RCL1: variants seen among roughly 807,000 people sequenced by gnomAD.
The protein encoded by RCL1 is RNA terminal phosphate cyclase like 1, also known as RNA 3'-terminal phosphate cyclase-like protein.
Under a neutral mutation model 42.4 loss-of-function variants are expected in RCL1, and 24 were observed. The ratio of observed to expected loss-of-function variants is 0.57; its 90% CI spans 0.41 to 0.80. The LOEUF is 0.80. Among genes scored for constraint, RCL1 ranks in the 30% least tolerant of loss-of-function variants. The pLI, the probability that RCL1 is intolerant of heterozygous loss-of-function variation, is 0.00. For synonymous variants in RCL1, 228 were observed against 177.3 expected (o/e 1.29, Z -2.27); for missense variants, 578 against 467.9 (o/e 1.24, Z -2.17).
chr9:4,797,641 G>A (rs1262428447), intron 1 of RCL1, among the ~76,000 whole-genome samples: 1 of 152,200 alleles, frequency 6.6e-6, no homozygotes, highest in Non-Finnish European at 1.5e-5. Flanking sequence ...CAAAATGTCA[G>A]TAGTGCTGAT....
chr9:4,810,272 G>A (rs1002074280), intron 1 of RCL1, among the ~76,000 whole-genome samples: 3 of 152,088 alleles, frequency 2.0e-5, no homozygotes, highest in Non-Finnish European at 2.9e-5. Flanking sequence ...TGGACATACC[G>A]ATGTAGCTAT....
In RCL1 at chr9:4,853,359, G is replaced by T. The variant is rs1466662721; in HGVS notation, c.971+3809G>T. 2.1e-5 allele frequency among the ~76,000 whole-genome samples: 3 copies of T among 142,674 alleles called. No homozygotes were observed. In the Admixed American group the frequency reaches 2.2e-4, roughly 10 times the overall value. The allele number at this position is 142,674 out of a possible 152,430, so 93.6% of individuals were successfully genotyped here. On this transcript the variant is annotated intron_variant, in intron 8 of 8. Coordinates refer to ENST00000381750, the MANE Select transcript of RCL1 (RefSeq NM_005772.5). ...TTTTTTTTGAGACGGAGTCTCCTCT[G>T]TCGCCCAGGCTGAGTGCAGTGGCGC...
chr9:4,814,880 G>A (rs1816316980), intron 1 of RCL1, among the ~76,000 whole-genome samples: 1 of 151,450 alleles, frequency 6.6e-6, no homozygotes, highest in African/African-American at 2.4e-5. Flanking sequence ...GCTTTTTTGG[G>A]TATAGTGTTT....
chr9:4,841,113 C>T (rs1587724311), intron 5 of RCL1, 119 bp from the exon 6 acceptor site: 1 of 1,069,058 alleles, frequency 9.4e-7, no homozygotes, highest in East Asian at 2.4e-5. Flanking sequence ...AGTTGGAAAA[C>T]AATAGATTTG....
At chr9:4,796,215 A>G (rs573138359) in intron 1 of RCL1, among the ~76,000 whole-genome samples, 2 of 152,198 alleles carry the variant, frequency 1.3e-5, no homozygotes, top group South Asian at 4.2e-4. Context: ...CCCAATAGGT[A>G]ATTTTTCAAT....
intron 3 of RCL1, among the ~76,000 whole-genome samples, chr9:4,832,447 A>G (rs954725122): frequency 2.6e-5 from 4 of 152,230 alleles, no homozygotes; most frequent in Admixed American, 2.6e-4. Flanking sequence ...TAAACATTAA[A>G]TAACCCTACT....
At chr9:4,814,552 C>A (rs998866017) in intron 1 of RCL1, among the ~76,000 whole-genome samples, 1 of 152,200 alleles carries the variant, frequency 6.6e-6, no homozygotes, top group Non-Finnish European at 1.5e-5. Flanking sequence ...TAGGCATGAG[C>A]CACAGTACTT....
intron 1 of RCL1, among the ~76,000 whole-genome samples, chr9:4,817,304 G>C (rs560818210): frequency 6.6e-6 from 1 of 151,554 alleles, no homozygotes; most frequent in African/African-American, 2.4e-5. Context: ...CAAATATATT[G>C]GTAACTAATG....
chr9:4,849,759 A>G (rs897234354), intron 8 of RCL1, among the ~76,000 whole-genome samples: 7 of 152,228 alleles, frequency 4.6e-5, no homozygotes, highest in Admixed American at 3.9e-4. Flanking sequence ...AATCCCAGGT[A>G]ACTGAAATTG....
intron 8 of RCL1, chr9:4,850,482 C>CTTT (rs112829690): frequency 2.4e-4 from 28 of 114,502 alleles, no homozygotes; most frequent in African/African-American, 6.3e-4. Context: ...CTTATGGAGG[C>CTTT]TTTTTTTTTT....
At chr9:4,852,134 G>A (rs1237811482) in intron 8 of RCL1, among the ~76,000 whole-genome samples, 1 of 152,170 alleles carries the variant, frequency 6.6e-6, no homozygotes, top group African/African-American at 2.4e-5. Context: ...ACCCGCCTTG[G>A]CCTCCCAAAG....
chr9:4,836,230 A>G (rs921948584), intron 5 of RCL1, among the ~76,000 whole-genome samples: 1 of 151,980 alleles, frequency 6.6e-6, no homozygotes, highest in African/African-American at 2.4e-5. Flanking sequence ...TAGAGGGAGG[A>G]GTAGAGAACG....
Position 4,800,843 on chromosome 9 carries a change from G to A in RCL1, c.136+7616G>A, listed in dbSNP as rs141223039. Among the ~76,000 whole-genome samples the A allele has an allele frequency of 6.3e-3, 960 of 151,850 alleles. 5 individuals carry two copies. Among genetic ancestry groups the A allele is most frequent in the African/African-American group, 0.019 (785 of 41,398 alleles). The stretch of plus-strand genomic sequence containing the variant: ...AATTTTTTATATTTTTGGTAGAGAC[G>A]GGGTTTCACTGTGTTGGCCAGGCTG... On this transcript the variant is annotated intron_variant, in intron 1 of 8. Coordinates refer to ENST00000381750, the MANE Select transcript of RCL1 (RefSeq NM_005772.5).
chr9:4,813,508 G>C (rs1472868727), intron 1 of RCL1, among the ~76,000 whole-genome samples: 1 of 152,224 alleles, frequency 6.6e-6, no homozygotes, highest in Non-Finnish European at 1.5e-5. Flanking sequence ...ACACCAGTTA[G>C]AATGGCGATC....
intron 8 of RCL1, among the ~76,000 whole-genome samples, chr9:4,853,382 C>T (rs1474662114): frequency 3.3e-5 from 5 of 149,890 alleles, no homozygotes; most frequent in Non-Finnish European, 5.9e-5. Flanking sequence ...AGTGCAGTGG[C>T]GCGATCTCAG....
At chr9:4,803,726 TA>T (rs374585672) in intron 1 of RCL1, 5,833 of 144,944 alleles carry the variant, frequency 0.04, 267 homozygotes, top group African/African-American at 0.12. Flanking sequence ...GTGTGAAAGG[TA>T]AAAAAAAAAA....
chr9:4,793,111 C>A lies in RCL1; in HGVS notation c.20C>A (p.Ser7Tyr), dbSNP rs773025593. The A allele has an allele frequency of 1.2e-6, 2 of 1,609,584 alleles. No homozygotes were observed. Among genetic ancestry groups the A allele is most frequent in the Non-Finnish European group, 1.7e-6 (2 of 1,178,326 alleles). The change falls in exon 1 of 9, where the codon TCC becomes TAC. Residue 7 changes from serine (S) to tyrosine (Y), a missense_variant. Physicochemically the swap from Ser to Tyr is moderately radical, Grantham distance 144. Coordinates refer to ENST00000381750, the MANE Select transcript of RCL1 (RefSeq NM_005772.5). MATQAH[S>Y]LSYAGCNFLR... is the part of the protein sequence containing the mutation. ...GCGCACATGGCGACTCAGGCGCACT[C>A]CCTCAGCTACGCAGGGTGCAACTTC...
At chr9:4,813,449 A>G (rs1223664854) in intron 1 of RCL1, among the ~76,000 whole-genome samples, 1 of 152,264 alleles carries the variant, frequency 6.6e-6, no homozygotes, top group Admixed American at 6.5e-5. Context: ...GTTCATCATC[A>G]CTGGCCATCA....
At chr9:4,794,800 G>T (rs190955606) in intron 1 of RCL1, among the ~76,000 whole-genome samples, 2 of 152,204 alleles carry the variant, frequency 1.3e-5, no homozygotes, top group Admixed American at 6.6e-5. Flanking sequence ...CACTGTATGT[G>T]AGCATCTCTT....
Sources: allele counts gnomAD v4.1 joint callset (sites outside exome capture counted in the v4.1 genomes callset), GRCh38; gene constraint gnomAD v4.1.1; transcripts MANE v1.5; gene names NCBI Gene and HGNC (gene_info 2026-07-23, HGNC 2026-07-21).